The following THRB variants were observed in gnomAD, a reference collection of about 807,000 sequenced individuals.
THRB encodes thyroid hormone receptor beta, also known as nuclear receptor subfamily 1 group A member 2.
A neutral mutation model predicts 47.8 loss-of-function variants in THRB; 12 were observed. The observed-to-expected ratio is 0.25, with a 90% confidence interval of 0.16 to 0.41. The LOEUF (loss-of-function observed/expected upper bound fraction) is 0.41, where lower values mean the gene tolerates loss of function less well. Among genes scored for constraint, THRB ranks in the 10% least tolerant of loss-of-function variants. The probability of loss-of-function intolerance (pLI) is 1.00; values close to 1 mark genes in which losing one functional copy is unlikely to be tolerated. For missense variants in THRB, 348 were observed against 589.2 expected, an observed-to-expected ratio of 0.59 and a Z score of 4.24; for synonymous variants, 218 against 212.2, an observed-to-expected ratio of 1.03 and a Z score of -0.24.
At chr3:24,305,754 G>T (rs1253285300) in intron 2 of THRB, among the ~76,000 whole-genome samples, 2 of 152,128 alleles carry the variant, frequency 1.3e-5, no homozygotes, top group Non-Finnish European at 2.9e-5. Context: ...ACCACAAAAA[G>T]TATTATTATT....
chr3:24,136,467 T>C (rs1034419782), intron 8 of THRB, among the ~76,000 whole-genome samples: 6 of 152,216 alleles, frequency 3.9e-5, no homozygotes, highest in African/African-American at 1.4e-4. Flanking sequence ...GTTTGTTACT[T>C]CCCTGAAGAT....
chr3:24,449,688 T>C (rs1306447082), intron 1 of THRB, among the ~76,000 whole-genome samples: 1 of 152,194 alleles, frequency 6.6e-6, no homozygotes, highest in Non-Finnish European at 1.5e-5. Context: ...GTCCAAAGAA[T>C]ATTAGCCTTA....
intron 1 of THRB, among the ~76,000 whole-genome samples, chr3:24,366,116 T>C (rs2064437180): frequency 6.6e-6 from 1 of 152,214 alleles, no homozygotes; most frequent in African/African-American, 2.4e-5. Flanking sequence ...TATTACCTTT[T>C]CCAAATTAAA....
At chr3:24,470,331 G>C (rs897552734) in intron 1 of THRB, among the ~76,000 whole-genome samples, 3 of 152,222 alleles carry the variant, frequency 2.0e-5, no homozygotes, top group Non-Finnish European at 2.9e-5. Flanking sequence ...CAACTGGAGA[G>C]GAGCCAATAG....
chr3:24,135,357 G>A (rs922326474), intron 8 of THRB, among the ~76,000 whole-genome samples: 13 of 152,270 alleles, frequency 8.5e-5, no homozygotes, highest in African/African-American at 2.4e-4. Context: ...CATAACAAAT[G>A]CTGGCAGCAT....
chr3:24,341,913 C>T (rs146246489), intron 1 of THRB, among the ~76,000 whole-genome samples: 1 of 152,214 alleles, frequency 6.6e-6, no homozygotes, highest in East Asian at 1.9e-4. Flanking sequence ...AAGTCCCATC[C>T]ATATAAGACA....
At chr3:24,243,318 G>A (rs535831543) in intron 3 of THRB, among the ~76,000 whole-genome samples, 133 of 151,972 alleles carry the variant, frequency 8.8e-4, no homozygotes, top group African/African-American at 3.1e-3. Flanking sequence ...ATACGATTCC[G>A]CTCCTGTCAC....
intron 5 of THRB, among the ~76,000 whole-genome samples, chr3:24,167,194 A>C (rs1338394486): frequency 6.6e-6 from 1 of 152,210 alleles, no homozygotes; most frequent in Non-Finnish European, 1.5e-5. Flanking sequence ...AGACCCAGGC[A>C]GACCTATGTG....
chr3:24,238,300 G>GGTATGT (rs2049120758), intron 3 of THRB, among the ~76,000 whole-genome samples: 1 of 125,670 alleles, frequency 8.0e-6, no homozygotes, highest in Non-Finnish European at 1.8e-5. Flanking sequence ...GGGTGTGTGG[G>GGTATGT]GTGTGTGTGT....
intron 1 of THRB, among the ~76,000 whole-genome samples, chr3:24,424,378 G>T (rs944294792): frequency 2.0e-5 from 3 of 151,926 alleles, no homozygotes; most frequent in Non-Finnish European, 4.4e-5. Flanking sequence ...TTTTATAACC[G>T]AGGCAAATGG....
At chr3:24,186,130 T>A (rs1233846767) in intron 5 of THRB, among the ~76,000 whole-genome samples, 1 of 151,794 alleles carries the variant, frequency 6.6e-6, no homozygotes, top group African/African-American at 2.4e-5. Context: ...AGTTGAAGAG[T>A]ATTTTCAAGC....
chr3:24,477,739 G>A (rs9862401), intron 1 of THRB, among the ~76,000 whole-genome samples: 2,432 of 151,848 alleles, frequency 0.016, 59 homozygotes, highest in African/African-American at 0.055. Flanking sequence ...AGGCAACATC[G>A]GGTCAGTAGA....
intron 5 of THRB, among the ~76,000 whole-genome samples, chr3:24,181,518 T>C (rs2041893465): frequency 6.6e-6 from 1 of 152,230 alleles, no homozygotes; most frequent in Admixed American, 6.5e-5. Context: ...GATATCTTGA[T>C]AGCCTATGAT....
chr3:24,420,613 T>C (rs577713829), intron 1 of THRB, among the ~76,000 whole-genome samples: 1 of 152,010 alleles, frequency 6.6e-6, no homozygotes, highest in East Asian at 1.9e-4. Flanking sequence ...TCAACATCAC[T>C]GATCATTAGA....
chr3:24,258,976 A>C (rs1460526510), intron 3 of THRB, among the ~76,000 whole-genome samples: 1 of 152,136 alleles, frequency 6.6e-6, no homozygotes, highest in Non-Finnish European at 1.5e-5. Flanking sequence ...TAGATGTGGA[A>C]ATGGAAAATT....
intron 1 of THRB, among the ~76,000 whole-genome samples, chr3:24,432,820 C>G (rs530997684): frequency 6.6e-6 from 1 of 152,078 alleles, no homozygotes; most frequent in Admixed American, 6.6e-5. Flanking sequence ...CAGCTCACAA[C>G]AGCTAGTTGG....
intron 3 of THRB, among the ~76,000 whole-genome samples, chr3:24,294,044 C>G (rs1027305093): frequency 6.6e-6 from 1 of 152,176 alleles, no homozygotes; most frequent in Non-Finnish European, 1.5e-5. Flanking sequence ...TTGAGCTGAC[C>G]CTGCGGCTTG....
chr3:24,436,149 GC>G (rs1203203904), intron 1 of THRB, among the ~76,000 whole-genome samples: 1 of 152,050 alleles, frequency 6.6e-6, no homozygotes, highest in East Asian at 1.9e-4. Flanking sequence ...ATATCTGGGG[GC>G]AAGTGCAGGA....
intron 1 of THRB, among the ~76,000 whole-genome samples, chr3:24,436,474 C>G (rs2070966771): frequency 6.7e-6 from 1 of 149,800 alleles, no homozygotes; most frequent in Non-Finnish European, 1.5e-5. Flanking sequence ...AGATAGTATG[C>G]ACACACACAC....
Sources: gnomAD v4.1 joint callset for allele counts (sites outside exome capture counted in the v4.1 genomes callset) on GRCh38, gnomAD v4.1.1 for gene constraint, MANE v1.5 for transcripts, NCBI Gene and HGNC (gene_info 2026-07-23, HGNC 2026-07-21) for gene names.